CBFA2T3: variants seen among roughly 807,000 people sequenced by gnomAD.
CBFA2T3 encodes the protein transcriptional corepressor CBFA2T3.
A neutral mutation model predicts 58.6 loss-of-function variants in CBFA2T3; 31 were observed. The ratio of observed to expected loss-of-function variants is 0.53; its 90% CI spans 0.40 to 0.71. The LOEUF is 0.71. Among genes scored for constraint, CBFA2T3 ranks in the 30% least tolerant of loss-of-function variants. The pLI, the probability that CBFA2T3 is intolerant of heterozygous loss-of-function variation, is 0.00. For synonymous variants in CBFA2T3, 531 were observed against 421.9 expected, an observed-to-expected ratio of 1.26 and a Z score of -3.17; for missense variants, 1,076 against 963.1, an observed-to-expected ratio of 1.12 and a Z score of -1.55.
chr16:88,941,176 G>A, intron 1 of CBFA2T3: 1 of 982,220 alleles, frequency 1.0e-6, no homozygotes, highest in Non-Finnish European at 1.2e-6. Flanking sequence ...GCGCGCGGCG[G>A]GGCTGGGGCG....
At chr16:88,959,539 TA>T (rs933676774) in intron 1 of CBFA2T3, among the ~76,000 whole-genome samples, 1 of 152,124 alleles carries the variant, frequency 6.6e-6, no homozygotes, top group Non-Finnish European at 1.5e-5. Flanking sequence ...ATACCACCTG[TA>T]AAAGCCAGGC....
rs924134713 is a variant in CBFA2T3 at position 88,879,139 on chromosome 16, G to A, written c.1662+131C>T. 61 of 757,050 alleles carry A rather than the reference G, an allele frequency of 8.1e-5. No individual in the cohort carries two copies. In the East Asian group the frequency reaches 1.3e-3, roughly 16 times the overall value. 46.9% of individuals were successfully genotyped at this position (757,050 alleles called of 1,614,324 possible). On this transcript the variant is annotated intron_variant, in intron 11 of 11. Coordinates refer to ENST00000268679, the MANE Select transcript of CBFA2T3 (RefSeq NM_005187.6). ...AAAGCACAGTGTGGGCGGGGATGGC[G>A]TGCCTGCTGCAGGATGCCCGTGACA...
intron 1 of CBFA2T3, among the ~76,000 whole-genome samples, chr16:88,951,848 G>A (rs570365686): frequency 7.2e-5 from 11 of 152,370 alleles, no homozygotes; most frequent in South Asian, 2.1e-4. Context: ...TGGGCAGAGC[G>A]GCGGAGGGTG....
chr16:88,931,303 G>A (rs1196575013), intron 1 of CBFA2T3, among the ~76,000 whole-genome samples: 5 of 152,136 alleles, frequency 3.3e-5, no homozygotes, highest in African/African-American at 1.2e-4. Context: ...GAAACCAGGA[G>A]GGTGGAGGCC....
chr16:88,887,489 G>A (rs1055558101), intron 5 of CBFA2T3, among the ~76,000 whole-genome samples: 1 of 152,084 alleles, frequency 6.6e-6, no homozygotes, highest in Non-Finnish European at 1.5e-5. Flanking sequence ...GCGGTGGGTG[G>A]GGCTGCATCC....
At chr16:88,877,682 CCACCCCTGCCTCTGCTG>C (rs1208967224) in intron 11 of CBFA2T3, among the ~76,000 whole-genome samples, 2 of 152,078 alleles carry the variant, frequency 1.3e-5, no homozygotes, top group Non-Finnish European at 2.9e-5. Context: ...CACCTCTGCC[CCACCCCTGCCTCTGCTG>C]CACCCCCTCC....
intron 1 of CBFA2T3, among the ~76,000 whole-genome samples, chr16:88,961,575 C>G (rs989740231): frequency 1.5e-5 from 2 of 134,860 alleles, no homozygotes; most frequent in East Asian, 4.2e-4. Context: ...GTAACCGACA[C>G]TCAGCACTGG....
chr16:88,879,034 C>T (rs1002712064), intron 11 of CBFA2T3, among the ~76,000 whole-genome samples: 17 of 152,340 alleles, frequency 1.1e-4, no homozygotes, highest in African/African-American at 4.1e-4. Flanking sequence ...CCAACCCTCT[C>T]GAGCCCTCAG....
At chr16:88,919,342 C>G (rs1402115264) in intron 1 of CBFA2T3, among the ~76,000 whole-genome samples, 21 of 152,226 alleles carry the variant, frequency 1.4e-4, no homozygotes, top group Admixed American at 1.4e-3. Context: ...ATTCGGTGTA[C>G]TCTCGTGGCA....
intron 5 of CBFA2T3, among the ~76,000 whole-genome samples, chr16:88,891,004 G>A (rs1210899030): frequency 2.6e-5 from 4 of 152,152 alleles, no homozygotes; most frequent in East Asian, 3.8e-4. Flanking sequence ...TGATTCAGCA[G>A]GTTTGGGCCG....
intron 1 of CBFA2T3, among the ~76,000 whole-genome samples, chr16:88,904,107 G>A (rs1257119493): frequency 6.6e-6 from 1 of 151,852 alleles, no homozygotes; most frequent in Non-Finnish European, 1.5e-5. Context: ...CCACCTGCGT[G>A]CTCACGGCCA....
intron 1 of CBFA2T3, among the ~76,000 whole-genome samples, chr16:88,944,618 C>T (rs1324214749): frequency 6.6e-6 from 1 of 152,236 alleles, no homozygotes; most frequent in African/African-American, 2.4e-5. Flanking sequence ...TCCTGATCCC[C>T]CTCCCCAAAG....
intron 10 of CBFA2T3, 118 bp downstream of exon 10, chr16:88,880,602 T>A (rs138640027): frequency 1.2e-6 from 1 of 850,542 alleles, no homozygotes; most frequent in African/African-American, 1.7e-5. Flanking sequence ...GCAGAAAGCC[T>A]TGTAGCCTGA....
At chr16:88,965,976 G>A (rs117513074) in intron 1 of CBFA2T3, among the ~76,000 whole-genome samples, 2 of 152,224 alleles carry the variant, frequency 1.3e-5, no homozygotes, top group Admixed American at 6.5e-5. Context: ...TGTCAGGGGA[G>A]GGGACGGGGG....
rs151220049 is a variant in CBFA2T3, at chr16:88,907,785, C to G, written c.152-6129G>C. On this transcript the variant is annotated intron_variant, in intron 1 of 11. Transcript: ENST00000268679. ...ACTGACGGTGGCATCTTCTAATTGTCCCCTCACCCCAGAGCAGGGGCTTTG... is the reference window on the plus strand; with the variant it reads ...ACTGACGGTGGCATCTTCTAATTGTGCCCTCACCCCAGAGCAGGGGCTTTG... Among the ~76,000 whole-genome samples, 554 of 152,338 alleles carry G rather than the reference C, an allele frequency of 3.6e-3. 1 individual carries two copies. The highest frequency in any genetic ancestry group is 0.013 in the African/African-American group (531 of 41,582).
rs1176218521 is a variant in CBFA2T3 at position 88,875,559 on chromosome 16, GTGGGGCGATGGGGCCGAGAGGTTGGAGT to G, written c.*1389_*1416del. ...TTTGGAAGAAAGGGGAGTAGCTGCG[GTGGGGCGATGGGGCCGAGAGGTTGGAGT>G]TGGGGCGATGGGGCTGAGAGAGGTC... On this transcript the variant is annotated 3_prime_UTR_variant, in exon 12 of 12. Transcript: ENST00000268679. 3.4e-5 allele frequency: 8 copies of G among 233,948 alleles called. No homozygotes were observed. The highest frequency in any genetic ancestry group is 1.5e-4 in the African/African-American group (7 of 45,282). 14.5% of individuals were successfully genotyped at this position (233,948 alleles called of 1,614,324 possible).
intron 1 of CBFA2T3, among the ~76,000 whole-genome samples, chr16:88,917,152 G>A (rs976692731): frequency 6.6e-6 from 1 of 152,130 alleles, no homozygotes; most frequent in African/African-American, 2.4e-5. Flanking sequence ...ATCGGCTGTC[G>A]GCTGACCCCA....
chr16:88,922,451 G>C (rs73254283), intron 1 of CBFA2T3, among the ~76,000 whole-genome samples: 7,563 of 152,342 alleles, frequency 0.05, 454 homozygotes, highest in African/African-American at 0.14. Context: ...GCAGTGGGAA[G>C]GGGCTGTATG....
chr16:88,957,499 T>C (rs1972248035), intron 1 of CBFA2T3: 1 of 152,310 alleles, frequency 6.6e-6, no homozygotes, highest in African/African-American at 2.4e-5. Flanking sequence ...AGGTGATAGC[T>C]AGTCCCTCCA....
Sources: allele counts gnomAD v4.1 joint callset (sites outside exome capture counted in the v4.1 genomes callset), GRCh38; gene constraint gnomAD v4.1.1; transcripts MANE v1.5; gene names NCBI Gene and HGNC (gene_info 2026-07-23, HGNC 2026-07-21).